CHD1: variants seen among roughly 807,000 people sequenced by gnomAD.
The protein encoded by CHD1 is ATP-dependent chromatin remodeler CHD1.
A neutral mutation model predicts 224.2 loss-of-function variants in CHD1; 36 were observed. The observed-to-expected ratio is 0.16, with a 90% CI of 0.12 to 0.21. CHD1 has a LOEUF of 0.21. CHD1 is among the 10% of genes least tolerant of loss of function. CHD1 has a pLI of 1.00. For synonymous variants in CHD1, 668 were observed against 658.3 expected, an observed-to-expected ratio of 1.01 and a Z score of -0.23; for missense variants, 1,378 against 1,994.8, an observed-to-expected ratio of 0.69 and a Z score of 5.89.
intron 12 of CHD1, among the ~76,000 whole-genome samples, chr5:98,895,237 C>T (rs1037406604): frequency 3.3e-5 from 5 of 151,374 alleles, no homozygotes; most frequent in Admixed American, 2.0e-4. Context: ...CTTTCACAAA[C>T]GAAAAGGTCT....
intron 25 of CHD1, among the ~76,000 whole-genome samples, chr5:98,874,570 G>A (rs1580388829): frequency 6.6e-6 from 1 of 151,254 alleles, no homozygotes; most frequent in East Asian, 1.9e-4. Context: ...AAATTAGCTG[G>A]GTGTGGTGGC....
At chr5:98,895,261 A>G (rs1040281457) in intron 12 of CHD1, among the ~76,000 whole-genome samples, 3 of 150,118 alleles carry the variant, frequency 2.0e-5, no homozygotes, top group Non-Finnish European at 2.9e-5. Flanking sequence ...TTAAGAAAAC[A>G]TAAGTGATTA....
intron 19 of CHD1, 79 bp downstream of exon 19, chr5:98,883,009 A>G (rs1479529974): frequency 3.3e-5 from 31 of 928,204 alleles, no homozygotes; most frequent in Non-Finnish European, 4.3e-5. Flanking sequence ...TATCCTCTAG[A>G]GGATAAACTG....
At chr5:98,894,160 G>C (rs562357123) in intron 13 of CHD1, among the ~76,000 whole-genome samples, 1 of 152,268 alleles carries the variant, frequency 6.6e-6, no homozygotes, top group South Asian at 2.1e-4. Context: ...ATAAAGTAGA[G>C]AAAGTGAATA....
intron 26 of CHD1, among the ~76,000 whole-genome samples, chr5:98,873,377 A>G (rs1749509724): frequency 6.6e-6 from 1 of 152,162 alleles, no homozygotes; most frequent in South Asian, 2.1e-4. Context: ...TACCTCCCAG[A>G]CAGAAAATGT....
Position 98,892,603 on chromosome 5 carries a change from T to G in CHD1, c.2102A>C (p.Asp701Ala). ...EPFLLRRVKKDVEKSLPAKVE... is the reference protein window; with the variant it reads ...EPFLLRRVKKAVEKSLPAKVE... ...CTTGGCAGGAAGAGATTTTTCCACA[T>G]CTTTCTTAACTCGGCGTAACAGAAA... Residue 701 changes from aspartate to alanine, a missense_variant, in exon 15 of 36, where the codon GAT becomes GCT. Around this residue, in one of 16 missense-constraint regions of CHD1, gnomAD observed 37 missense variants for 118.9 expected, o/e 0.31. Coordinates refer to ENST00000614616, the MANE Select transcript of CHD1 (RefSeq NM_001270.4). 2 of 1,613,882 alleles carry G rather than the reference T, an allele frequency of 1.2e-6. No homozygotes were observed. Among genetic ancestry groups the G allele is most frequent in the Non-Finnish European group, 1.7e-6 (2 of 1,179,798 alleles).
Position 98,858,307 on chromosome 5 carries a change from G to T in CHD1, c.4660C>A (p.His1554Asn). The T allele has an allele frequency of 6.2e-7, 1 of 1,612,950 alleles. No individual in the cohort carries two copies. The highest frequency in any genetic ancestry group is 1.3e-5 in the African/African-American group (1 of 74,972). ...YSSDRHLTQY[H>N]DHHKDRHQGD... ...TGATGTCGGTCTTTATGATGATCAT[G>T]GTACTGAGTTAAGTGTCTATCAGAG... The change falls in exon 35 of 36, where the codon CAT (histidine) becomes AAT (asparagine). Residue 1554 changes from histidine to asparagine, a missense_variant. This residue lies in a region of CHD1 where 278 missense variants were observed against 298.5 expected (regional missense o/e 0.93). Transcript: ENST00000614616.
chr5:98,855,152 G>GT lies in CHD1; in HGVS notation c.*1227dup, dbSNP rs1182205877. ...GGGGTAGGGGGCGGTGGTGGTGGTG[G>GT]TAAGTGCTTGAGGGAGTAAGAATGC... On this transcript the variant is annotated 3_prime_UTR_variant, in exon 36 of 36. Coordinates refer to ENST00000614616, the MANE Select transcript of CHD1 (RefSeq NM_001270.4). 6.6e-6 allele frequency: 1 copy of GT among 152,588 alleles called. No homozygotes were observed. Among genetic ancestry groups the GT allele is most frequent in the Non-Finnish European group, 1.5e-5 (1 of 68,146 alleles). The allele number at this position is 152,588 out of a possible 1,614,324, so 9.5% of individuals were successfully genotyped here.
At chr5:98,902,332 A>G (rs1365765318) in intron 5 of CHD1, among the ~76,000 whole-genome samples, 1 of 152,108 alleles carries the variant, frequency 6.6e-6, no homozygotes, top group South Asian at 2.1e-4. Context: ...TAAGTAACAA[A>G]TCTAATATGC....
chr5:98,901,184 A>T lies in CHD1; in HGVS notation c.587+2T>A. ...ATTTTCAGCACCAAACTGAGACCAT[A>T]CCTATTTTGAGGTTTTCTGCTTTTG... On this transcript the variant is annotated splice_donor_variant, in intron 6 of 35. Transcript: ENST00000614616. LOFTEE classifies it high-confidence loss of function. 1 of 1,610,384 alleles carries T rather than the reference A, an allele frequency of 6.2e-7. No individual in the cohort carries two copies. The highest frequency in any genetic ancestry group is 8.5e-7 in the Non-Finnish European group (1 of 1,178,926).
At chr5:98,899,304 T>A (rs988687329) in intron 8 of CHD1, among the ~76,000 whole-genome samples, 176 bp downstream of exon 8, 7 of 152,182 alleles carry the variant, frequency 4.6e-5, no homozygotes, top group African/African-American at 1.7e-4. Flanking sequence ...ATACTTTCAA[T>A]CCATGGTTGG....
intron 19 of CHD1, 113 bp downstream of exon 19, chr5:98,882,975 G>T: frequency 1.5e-6 from 1 of 654,010 alleles, no homozygotes. Context: ...CGGTTAAACA[G>T]TAGTATGACT....
At chr5:98,905,834 T>C (rs778006149) in intron 2 of CHD1, among the ~76,000 whole-genome samples, 1 of 152,144 alleles carries the variant, frequency 6.6e-6, no homozygotes, top group Non-Finnish European at 1.5e-5. Flanking sequence ...TAGTCCAAGA[T>C]AGAGCAGAAA....
chr5:98,881,512 C>CT (rs375349850), intron 20 of CHD1, 137 bp from the exon 21 acceptor site: 29,279 of 440,388 alleles, frequency 0.066, 29 homozygotes, highest in South Asian at 0.085. Flanking sequence ...TATTAGAATC[C>CT]TTTTTTTTTT....
chr5:98,860,419 G>T, intron 32 of CHD1: 1 of 283,074 alleles, frequency 3.5e-6, no homozygotes, highest in Non-Finnish European at 6.9e-6. Context: ...TAAGGGACAG[G>T]TATGTTAATA....
intron 2 of CHD1, among the ~76,000 whole-genome samples, chr5:98,911,143 AAAAAT>A (rs1249965854): frequency 7.1e-5 from 8 of 112,530 alleles, no homozygotes; most frequent in East Asian, 2.3e-4. Context: ...AAAAAAAAAA[AAAAAT>A]ATATATATAT....
Position 98,896,367 on chromosome 5 carries a change from C to T in CHD1, c.1569G>A (p.Leu523=). ...TIQTISFLNY[L]FHEHQLYGPF... ...GTCCATATAATTGATGTTCATGAAA[C>T]AAATAATTCAGAAATGAGATCGTCT... The change falls in exon 12 of 36, where the codon TTG becomes TTA. Residue 523 remains leucine, a synonymous_variant. Coordinates refer to ENST00000614616, the MANE Select transcript of CHD1 (RefSeq NM_001270.4). 3.1e-6 allele frequency: 5 copies of T among 1,613,754 alleles called. No homozygotes were observed. Among genetic ancestry groups the T allele is most frequent in the Non-Finnish European group, 4.2e-6 (5 of 1,179,850 alleles).
At chr5:98,897,891 AT>A (rs1751444965) in intron 10 of CHD1, among the ~76,000 whole-genome samples, 1 of 152,094 alleles carries the variant, frequency 6.6e-6, no homozygotes, top group South Asian at 2.1e-4. Context: ...AAAATTGAGC[AT>A]ATCTCTAGTT....
At chr5:98,896,196 G>T in intron 12 of CHD1, 30 bp downstream of exon 12, 2 of 1,549,356 alleles carry the variant, frequency 1.3e-6, no homozygotes, top group South Asian at 2.2e-5. Flanking sequence ...AGTACATTTT[G>T]ATTTCTACAT....
Sources: gnomAD v4.1 joint callset for allele counts (sites outside exome capture counted in the v4.1 genomes callset) on GRCh38, gnomAD v4.1.1 for gene constraint, gnomAD v4.1.1 regional missense constraint, MANE v1.5 for transcripts, NCBI Gene and HGNC (gene_info 2026-07-23, HGNC 2026-07-21) for gene names.